RHOA: variants seen among roughly 807,000 people sequenced by gnomAD.
The protein encoded by RHOA is ras homolog family member A.
A neutral mutation model predicts 17.5 loss-of-function variants in RHOA; 3 were observed. That is an observed-to-expected ratio of 0.17 (90% confidence interval 0.08 to 0.44). The LOEUF (loss-of-function observed/expected upper bound fraction) is 0.44. RHOA is among the 20% of genes least tolerant of loss of function. RHOA has a pLI of 0.99. For missense variants in RHOA, 56 were observed against 242.3 expected, an observed-to-expected ratio of 0.23 and a Z score of 5.10; for synonymous variants, 98 against 88.4, an observed-to-expected ratio of 1.11 and a Z score of -0.61.
chr3:49,403,477 G>A (rs2048761164), intron 1 of RHOA, among the ~76,000 whole-genome samples: 1 of 152,112 alleles, frequency 6.6e-6, no homozygotes, highest in Non-Finnish European at 1.5e-5. Context: ...GGCTTTGTGA[G>A]GTTGAGACGA....
At chr3:49,404,028 A>G (rs1045792098) in intron 1 of RHOA, among the ~76,000 whole-genome samples, 5 of 140,470 alleles carry the variant, frequency 3.6e-5, no homozygotes, top group East Asian at 1.9e-4. Flanking sequence ...AGCTGGACTC[A>G]GTGGCTCATG....
intron 1 of RHOA, among the ~76,000 whole-genome samples, chr3:49,399,964 T>C (rs916939900): frequency 6.6e-6 from 1 of 151,984 alleles, no homozygotes; most frequent in Non-Finnish European, 1.5e-5. Context: ...CTCACGCCTG[T>C]AATCCCAGCA....
chr3:49,407,500 C>T (rs1374947802), intron 1 of RHOA, among the ~76,000 whole-genome samples: 3 of 152,118 alleles, frequency 2.0e-5, no homozygotes, highest in African/African-American at 7.2e-5. Context: ...TTCCAAAGTG[C>T]TGGGATTACA....
intron 1 of RHOA, among the ~76,000 whole-genome samples, chr3:49,379,454 G>A (rs2048283680): frequency 6.6e-6 from 1 of 152,076 alleles, no homozygotes. Flanking sequence ...AATTATTGTG[G>A]TGATGGCTGC....
In RHOA at chr3:49,362,434, A is replaced by C. The variant is rs1489410641; in HGVS notation, c.408+62T>G. ...GTGAAGGTTCCTGCTGGGCTCCCCA[A>C]ACCTCCAAACTTGGGGCCCTAGTTC... is the stretch of plus-strand genomic sequence containing the variant. On this transcript the variant is annotated intron_variant, in intron 4 of 4. Coordinates refer to ENST00000418115, the MANE Select transcript of RHOA (RefSeq NM_001664.4). 2.7e-6 allele frequency: 4 copies of C among 1,502,098 alleles called. No individual in the cohort carries two copies. In the African/African-American group the frequency reaches 4.2e-5, roughly 16 times the overall value. 93.0% of individuals were successfully genotyped at this position (1,502,098 alleles called of 1,614,324 possible).
chr3:49,408,797 T>C (rs2048882426), intron 1 of RHOA, among the ~76,000 whole-genome samples: 2 of 33,690 alleles, frequency 5.9e-5, no homozygotes, highest in South Asian at 0.012. Context: ...TTAAGATCCT[T>C]TTTTTTTTTT....
intron 1 of RHOA, among the ~76,000 whole-genome samples, chr3:49,389,477 T>A (rs1356186950): frequency 6.6e-6 from 1 of 152,018 alleles, no homozygotes; most frequent in Non-Finnish European, 1.5e-5. Flanking sequence ...TTGGAAGGAC[T>A]TAACTCCAGA....
At chr3:49,382,685 C>A (rs1403873277) in intron 1 of RHOA, among the ~76,000 whole-genome samples, 1 of 152,106 alleles carries the variant, frequency 6.6e-6, no homozygotes, top group Non-Finnish European at 1.5e-5. Context: ...GCCTAATCTG[C>A]ATGGGCTTTT....
chr3:49,398,930 G>A (rs912100869), intron 1 of RHOA, among the ~76,000 whole-genome samples: 5 of 146,012 alleles, frequency 3.4e-5, no homozygotes, highest in Admixed American at 1.4e-4. Context: ...GGTGGCTCAC[G>A]CCTGTAATCC....
chr3:49,374,136 A>T (rs888534898), intron 2 of RHOA, among the ~76,000 whole-genome samples: 1 of 151,910 alleles, frequency 6.6e-6, no homozygotes, highest in Non-Finnish European at 1.5e-5. Flanking sequence ...AGATCACAAG[A>T]TCAGGAGATC....
intron 1 of RHOA, among the ~76,000 whole-genome samples, chr3:49,393,725 T>G: frequency 9.3e-6 from 1 of 107,046 alleles, no homozygotes; most frequent in South Asian, 3.4e-4. Context: ...TGTGTGTGTG[T>G]GTGTGACAGA....
chr3:49,400,904 G>A (rs1254867832), intron 1 of RHOA, among the ~76,000 whole-genome samples: 1 of 151,436 alleles, frequency 6.6e-6, no homozygotes, highest in Admixed American at 6.6e-5. Context: ...AAATTAGCCG[G>A]GCATAGTGGC....
intron 1 of RHOA, among the ~76,000 whole-genome samples, chr3:49,380,719 T>TA (rs989228209): frequency 3.2e-5 from 4 of 125,124 alleles, no homozygotes; most frequent in Non-Finnish European, 6.6e-5. Flanking sequence ...ATAATAATAA[T>TA]AAATACTCAT....
At chr3:49,373,916 CA>C (rs1012071432) in intron 2 of RHOA, among the ~76,000 whole-genome samples, 2 of 151,234 alleles carry the variant, frequency 1.3e-5, no homozygotes, top group South Asian at 4.2e-4. Context: ...AATTAAAACC[CA>C]AAAAAACCCT....
intron 1 of RHOA, among the ~76,000 whole-genome samples, chr3:49,398,580 T>G (rs1454436904): frequency 6.6e-6 from 1 of 150,578 alleles, no homozygotes; most frequent in African/African-American, 2.4e-5. Context: ...TCCCAGCACT[T>G]TGGGAGGCCA....
chr3:49,383,310 C>A (rs1194017490), intron 1 of RHOA, among the ~76,000 whole-genome samples: 2 of 150,342 alleles, frequency 1.3e-5, no homozygotes, highest in Non-Finnish European at 3.0e-5. Context: ...GTCCCAGCTA[C>A]TCGGGAGGCT....
intron 1 of RHOA, among the ~76,000 whole-genome samples, chr3:49,409,590 GCTCT>G (rs1293801376): frequency 6.6e-6 from 1 of 152,016 alleles, no homozygotes; most frequent in African/African-American, 2.4e-5. Context: ...ATATCTCTCA[GCTCT>G]CTAAGACAAT....
chr3:49,373,353 A>C (rs1333436791), intron 2 of RHOA: 1 of 169,496 alleles, frequency 5.9e-6, no homozygotes, highest in Non-Finnish European at 1.3e-5. Context: ...CTAGACAAAC[A>C]AACAAAAACA....
chr3:49,377,836 G>C (rs1200051075), intron 1 of RHOA, among the ~76,000 whole-genome samples: 7 of 151,646 alleles, frequency 4.6e-5, no homozygotes, highest in Non-Finnish European at 2.9e-5. Flanking sequence ...AGGATCTCTT[G>C]CAAGGTTGAA....
Sources: gnomAD v4.1 joint callset for allele counts (sites outside exome capture counted in the v4.1 genomes callset) on GRCh38, gnomAD v4.1.1 for gene constraint, MANE v1.5 for transcripts, NCBI Gene and HGNC (gene_info 2026-07-23, HGNC 2026-07-21) for gene names.